The following AFF3 variants were observed in gnomAD, a reference collection of about 807,000 sequenced individuals.
AFF3 encodes the protein AF4/FMR2 family member 3.
Under a neutral mutation model 129.7 loss-of-function variants are expected in AFF3, and 32 were observed. The observed-to-expected ratio is 0.25, with a 90% CI of 0.19 to 0.33. The LOEUF (loss-of-function observed/expected upper bound fraction) is 0.33. AFF3 is among the 10% of genes least tolerant of loss of function. The pLI is 1.00. For synonymous variants in AFF3, 644 were observed against 635.4 expected, an observed-to-expected ratio of 1.01 and a Z score of -0.20; for missense variants, 1,373 against 1,592.0, an observed-to-expected ratio of 0.86 and a Z score of 2.34.
intron 8 of AFF3, among the ~76,000 whole-genome samples, chr2:99,773,842 C>G (rs1402591223): frequency 6.6e-6 from 1 of 152,172 alleles, no homozygotes; most frequent in Non-Finnish European, 1.5e-5. Context: ...ATCGTCTCAG[C>G]CCAAAAGCTT....
intron 13 of AFF3, among the ~76,000 whole-genome samples, chr2:99,620,456 C>T (rs1275981881): frequency 6.6e-6 from 1 of 152,098 alleles, no homozygotes; most frequent in Admixed American, 6.5e-5. Context: ...TAGTGAGACC[C>T]CTGTTTCTGC....
chr2:99,584,624 T>C (rs561368209), intron 16 of AFF3, among the ~76,000 whole-genome samples: 1 of 152,338 alleles, frequency 6.6e-6, no homozygotes, highest in East Asian at 1.9e-4. Context: ...GGGATTCACT[T>C]ATATCTGAGT....
intron 7 of AFF3, among the ~76,000 whole-genome samples, chr2:99,877,350 G>A (rs1692381463): frequency 6.6e-6 from 1 of 152,202 alleles, no homozygotes; most frequent in African/African-American, 2.4e-5. Context: ...CATTTGGGAT[G>A]CCAGGGGGCC....
chr2:99,919,904 AC>A (rs986742873), intron 7 of AFF3, among the ~76,000 whole-genome samples: 1 of 152,160 alleles, frequency 6.6e-6, no homozygotes, highest in Non-Finnish European at 1.5e-5. Context: ...TACAGATTAT[AC>A]AAAAATTTAA....
chr2:100,105,369 A>G, intron 3 of AFF3, 135 bp downstream of exon 3: 4 of 1,259,002 alleles, frequency 3.2e-6, no homozygotes, highest in Non-Finnish European at 3.1e-6. Flanking sequence ...AGTTCAGCGA[A>G]ATAAAGCGGC....
chr2:99,786,415 G>A (rs1684796560), intron 8 of AFF3, among the ~76,000 whole-genome samples: 1 of 152,050 alleles, frequency 6.6e-6, no homozygotes, highest in Admixed American at 6.5e-5. Context: ...AGATTAACAC[G>A]GCCATAAAGC....
intron 4 of AFF3, among the ~76,000 whole-genome samples, chr2:100,070,346 G>A (rs979861193): frequency 2.0e-5 from 3 of 152,216 alleles, no homozygotes; most frequent in Non-Finnish European, 2.9e-5. Flanking sequence ...ACTAACAGAT[G>A]TGAAACCATC....
chr2:99,973,163 G>T (rs1324734104), intron 7 of AFF3, among the ~76,000 whole-genome samples: 1 of 152,176 alleles, frequency 6.6e-6, no homozygotes, highest in Non-Finnish European at 1.5e-5. Context: ...TCTCCACTGA[G>T]TGCTCACTGT....
intron 7 of AFF3, among the ~76,000 whole-genome samples, chr2:99,978,718 C>T (rs570316644): frequency 6.6e-6 from 1 of 152,226 alleles, no homozygotes; most frequent in Non-Finnish European, 1.5e-5. Flanking sequence ...ATCATAAGGG[C>T]AGAGCCAGTT....
At chr2:99,814,330 A>T (rs1687043360) in intron 8 of AFF3, among the ~76,000 whole-genome samples, 1 of 152,122 alleles carries the variant, frequency 6.6e-6, no homozygotes. Context: ...CCACAGGGGA[A>T]AGGCAACTGA....
intron 4 of AFF3, among the ~76,000 whole-genome samples, chr2:100,059,078 C>T (rs965543643): frequency 6.6e-6 from 1 of 151,648 alleles, no homozygotes; most frequent in Admixed American, 6.6e-5. Context: ...CATGGTGAAA[C>T]CCCATCTCTA....
intron 10 of AFF3, among the ~76,000 whole-genome samples, chr2:99,728,970 T>C (rs1679581545): frequency 6.6e-6 from 1 of 150,906 alleles, no homozygotes; most frequent in Admixed American, 6.6e-5. Context: ...CTAACCACAA[T>C]CCCTCTTGTA....
At chr2:100,045,946 T>C (rs1386698372) in intron 4 of AFF3, among the ~76,000 whole-genome samples, 1 of 152,170 alleles carries the variant, frequency 6.6e-6, no homozygotes, top group Non-Finnish European at 1.5e-5. Flanking sequence ...CTATTCATAG[T>C]TGAGCCTTTG....
rs981924477 is a variant in AFF3 at position 100,062,801 on chromosome 2, G to A, written c.53+41601C>T. 1.2e-4 allele frequency among the ~76,000 whole-genome samples: 18 copies of A among 152,300 alleles called. No homozygotes were observed. The East Asian group carries it at 1.7e-3, about 15-fold the overall frequency. ...AGGTTTACTAAACAGACAGGGAAAC[G>A]AAACATCAGGAGTGAGAGAAAGAAC... On this transcript the variant is annotated intron_variant, in intron 4 of 24. Transcript: ENST00000672756.
chr2:99,955,587 G>T lies in AFF3; in HGVS notation c.873+51045C>A, dbSNP rs1039796070. On this transcript the variant is annotated intron_variant, in intron 7 of 24. Transcript: ENST00000672756. ...GTCCACAGGATTGACTTTTGCTCCA[G>T]TTGAAAATGTCTAATTCTTCTATAG... 2.6e-5 allele frequency among the ~76,000 whole-genome samples: 4 copies of T among 152,194 alleles called. 1 individual carries two copies. In the South Asian group the frequency reaches 8.3e-4, roughly 31 times the overall value.
In AFF3 at chr2:99,752,272, A is replaced by T. The variant is rs1681719560; in HGVS notation, c.951T>A (p.Ala317=). The T allele has an allele frequency of 6.2e-7, 1 of 1,613,952 alleles. No homozygotes were observed. The highest frequency in any genetic ancestry group is 1.1e-5 in the South Asian group (1 of 91,070). The part of the protein sequence containing the change: ...REMTWLPPLS[A]IQAPGKVEPT... Reference sequence around the variant, plus strand: ...GTTCCACTTTGCCAGGTGCTTGAATAGCAGAAAGTGGTGGAAGCCAGGTCA... The same window carrying T: ...GTTCCACTTTGCCAGGTGCTTGAATTGCAGAAAGTGGTGGAAGCCAGGTCA... Residue 317 remains alanine (A), a synonymous_variant, in exon 9 of 25, where the codon GCT becomes GCA. Transcript: ENST00000672756.
chr2:99,703,161 C>T (rs569299487), intron 11 of AFF3, among the ~76,000 whole-genome samples: 1 of 152,282 alleles, frequency 6.6e-6, no homozygotes, highest in South Asian at 2.1e-4. Context: ...GGGCTGTGTT[C>T]CTTCTGAGGC....
chr2:99,890,763 T>TATC (rs1693489562), intron 7 of AFF3, among the ~76,000 whole-genome samples: 1 of 152,106 alleles, frequency 6.6e-6, no homozygotes, highest in South Asian at 2.1e-4. Context: ...GCCCCTGGCC[T>TATC]ATCAGGTACA....
intron 8 of AFF3, among the ~76,000 whole-genome samples, chr2:99,765,524 C>T (rs560328152): frequency 3.3e-5 from 5 of 152,266 alleles, no homozygotes; most frequent in African/African-American, 4.8e-5. Flanking sequence ...TTTACTTTTC[C>T]GATTATTAGT....
Sources: allele counts gnomAD v4.1 joint callset (sites outside exome capture counted in the v4.1 genomes callset), GRCh38; gene constraint gnomAD v4.1.1; transcripts MANE v1.5; gene names NCBI Gene and HGNC (gene_info 2026-07-23, HGNC 2026-07-21).